The following HPCAL1 variants were observed in gnomAD, a reference collection of about 807,000 sequenced individuals.
HPCAL1 encodes the protein hippocalcin like 1.
A neutral mutation model predicts 17.1 loss-of-function variants in HPCAL1; 8 were observed. That is an observed-to-expected ratio of 0.47 (90% CI 0.27 to 0.84). HPCAL1 has a LOEUF of 0.84. Ranked by LOEUF, HPCAL1 falls within the 40% of genes least tolerant of loss-of-function variation. HPCAL1 has a pLI of 0.13. For synonymous variants in HPCAL1, 112 were observed against 111.4 expected (o/e 1.01, Z -0.03); for missense variants, 165 against 271.1 (o/e 0.61, Z 2.75).
chr2:10,392,228 A>G (rs1668747403), intron 1 of HPCAL1, among the ~76,000 whole-genome samples: 1 of 151,888 alleles, frequency 6.6e-6, no homozygotes, highest in Non-Finnish European at 1.5e-5. Flanking sequence ...TTTAGTAGCG[A>G]TGAGGTCTCA....
intron 1 of HPCAL1, among the ~76,000 whole-genome samples, chr2:10,341,012 G>C (rs1284233012): frequency 6.6e-6 from 1 of 152,120 alleles, no homozygotes; most frequent in Non-Finnish European, 1.5e-5. Flanking sequence ...AATAAAATCA[G>C]AATAAATTAC....
At chr2:10,349,519 C>A (rs1339741333) in intron 1 of HPCAL1, among the ~76,000 whole-genome samples, 1 of 151,258 alleles carries the variant, frequency 6.6e-6, no homozygotes, top group African/African-American at 2.4e-5. Context: ...CTGGCTAACA[C>A]GGTGAAACCC....
intron 1 of HPCAL1, among the ~76,000 whole-genome samples, chr2:10,340,538 A>C (rs528718770): frequency 8.5e-4 from 130 of 152,328 alleles, no homozygotes; most frequent in Non-Finnish European, 1.2e-3. Flanking sequence ...GGAACATCCC[A>C]GGAGGGGGTG....
intron 1 of HPCAL1, among the ~76,000 whole-genome samples, chr2:10,382,657 C>T (rs1668036375): frequency 6.6e-6 from 1 of 151,350 alleles, no homozygotes; most frequent in Admixed American, 6.6e-5. Flanking sequence ...GGCCACGCAT[C>T]CCAAGCAAGT....
At chr2:10,325,700 C>T (rs1453353270) in intron 1 of HPCAL1, among the ~76,000 whole-genome samples, 2 of 152,254 alleles carry the variant, frequency 1.3e-5, no homozygotes, top group Non-Finnish European at 2.9e-5. Flanking sequence ...GCAGTCATGG[C>T]TTTAAGACGT....
At position 10,419,763 on chromosome 2, in the gene HPCAL1, C is replaced by G; in HGVS notation, c.6C>G (p.Gly2=). ...AGTCGCCGCCGCCAGCCGCCATGGG[C>G]AAACAGAACAGCAAGCTGCGGCCCG... M[G]KQNSKLRPEV... Residue 2 remains glycine, a synonymous_variant, in exon 3 of 5, where the codon GGC becomes GGG. Coordinates refer to ENST00000307845, the MANE Select transcript of HPCAL1 (RefSeq NM_002149.4). The surrounding 1 kb of genome is among the most constrained non-coding windows in gnomAD (Gnocchi z 5.0). 3 of 1,608,996 alleles carry G rather than the reference C, an allele frequency of 1.9e-6. No homozygotes were observed. The highest frequency in any genetic ancestry group is 1.7e-6 in the Non-Finnish European group (2 of 1,177,134).
Position 10,384,682 on chromosome 2 carries a change from G to A in HPCAL1, c.-110-12153G>A, listed in dbSNP as rs867467819. 1.3e-4 allele frequency among the ~76,000 whole-genome samples: 20 copies of A among 152,314 alleles called. 1 individual carries two copies. The highest frequency in any genetic ancestry group is 2.0e-4 in the Admixed American group (3 of 15,298). ...TGAGCTGGGGTCTGAAGGAAGAGCA[G>A]TTCACTGGGGAGTTAGGGAGTGTTC... On this transcript the variant is annotated intron_variant, in intron 1 of 4. Transcript: ENST00000307845. This position sits in a 1 kb window ranked among gnomAD's most constrained non-coding sequence, Gnocchi z 4.4.
intron 2 of HPCAL1, among the ~76,000 whole-genome samples, chr2:10,410,410 T>C (rs1265649018): frequency 6.6e-6 from 1 of 151,164 alleles, no homozygotes; most frequent in Non-Finnish European, 1.5e-5. Flanking sequence ...TACATTTCTT[T>C]CCTTGTTCCT....
At chr2:10,353,410 C>T (rs1465809124) in intron 1 of HPCAL1, among the ~76,000 whole-genome samples, 5 of 152,202 alleles carry the variant, frequency 3.3e-5, no homozygotes, top group African/African-American at 4.8e-5. Context: ...TTCTGCCAAG[C>T]TCCTGTGCCA....
At chr2:10,364,914 C>T (rs1267261850) in intron 1 of HPCAL1, among the ~76,000 whole-genome samples, 1 of 152,058 alleles carries the variant, frequency 6.6e-6, no homozygotes, top group Non-Finnish European at 1.5e-5. Flanking sequence ...TCCTTTTCTC[C>T]CTCTCTGAGG....
At chr2:10,329,128 C>T (rs1664195969) in intron 1 of HPCAL1, among the ~76,000 whole-genome samples, 1 of 152,112 alleles carries the variant, frequency 6.6e-6, no homozygotes, top group Non-Finnish European at 1.5e-5. Context: ...CACTGTTGGT[C>T]TCTAGGGGTT....
At chr2:10,321,568 A>G (rs968139051) in intron 1 of HPCAL1, among the ~76,000 whole-genome samples, 1 of 152,218 alleles carries the variant, frequency 6.6e-6, no homozygotes, top group Non-Finnish European at 1.5e-5. Context: ...TACTAATTTC[A>G]GAACATTTTC....
chr2:10,315,111 G>A (rs1190389449), intron 1 of HPCAL1, among the ~76,000 whole-genome samples: 1 of 152,070 alleles, frequency 6.6e-6, no homozygotes, highest in Non-Finnish European at 1.5e-5. Context: ...CCAACACGGT[G>A]AAACCCCGTC....
At chr2:10,397,817 G>A (rs1029301792) in intron 2 of HPCAL1, among the ~76,000 whole-genome samples, 4 of 152,206 alleles carry the variant, frequency 2.6e-5, no homozygotes, top group Non-Finnish European at 4.4e-5. Context: ...CCCTTCCAGC[G>A]TTGAGGGTTT....
chr2:10,364,784 C>T (rs1666746108), intron 1 of HPCAL1, among the ~76,000 whole-genome samples: 1 of 152,116 alleles, frequency 6.6e-6, no homozygotes, highest in African/African-American at 2.4e-5. Context: ...TGAGTTTTGC[C>T]ATGTTGCCCA....
In HPCAL1 at chr2:10,419,895, C is replaced by T. The variant is rs778319187; in HGVS notation, c.138C>T (p.Asp46=). 3.1e-6 allele frequency: 5 copies of T among 1,613,752 alleles called. No individual in the cohort carries two copies. Among genetic ancestry groups the T allele is most frequent in the Non-Finnish European group, 4.2e-6 (5 of 1,180,028 alleles). ...GCCCCACCGGCCACCTGACCGTGGA[C>T]GAGTTCAAGAAGATCTACGCCAACT... is the stretch of plus-strand genomic sequence containing the variant. ...KDCPTGHLTV[D]EFKKIYANFF... is the part of the protein sequence containing the mutation. Residue 46 remains aspartate (D), a synonymous_variant, in exon 3 of 5, where the codon GAC becomes GAT. Coordinates refer to ENST00000307845, the MANE Select transcript of HPCAL1 (RefSeq NM_002149.4). The surrounding 1 kb of genome is among the most constrained non-coding windows in gnomAD (Gnocchi z 5.0).
At chr2:10,360,697 C>G (rs972482249) in intron 1 of HPCAL1, among the ~76,000 whole-genome samples, 1 of 152,168 alleles carries the variant, frequency 6.6e-6, no homozygotes, top group Non-Finnish European at 1.5e-5. Context: ...AGCCACCATG[C>G]CGCCCGGCCT....
intron 1 of HPCAL1, among the ~76,000 whole-genome samples, chr2:10,361,008 C>T (rs1572717077): frequency 1.3e-5 from 2 of 149,816 alleles, no homozygotes; most frequent in Non-Finnish European, 1.5e-5. Context: ...GCGTGTGCTG[C>T]GGGCTGGGAT....
intron 1 of HPCAL1, among the ~76,000 whole-genome samples, chr2:10,396,250 G>A (rs1263530312): frequency 6.6e-6 from 1 of 152,220 alleles, no homozygotes; most frequent in Non-Finnish European, 1.5e-5. Context: ...GAGGCATGCT[G>A]GGGGCAATGT....
Sources: allele counts gnomAD v4.1 joint callset (sites outside exome capture counted in the v4.1 genomes callset), GRCh38; gene constraint gnomAD v4.1.1; non-coding constraint Gnocchi (gnomAD v3.1); transcripts MANE v1.5; gene names NCBI Gene and HGNC (gene_info 2026-07-23, HGNC 2026-07-21).